CSMD3: variants seen among roughly 807,000 people sequenced by gnomAD.
The protein encoded by CSMD3 is CUB and sushi domain-containing protein 3.
A neutral mutation model predicts 435.2 loss-of-function variants in CSMD3; 177 were observed. The ratio of observed to expected loss-of-function variants is 0.41; its 90% confidence interval spans 0.36 to 0.46. The LOEUF is 0.46. Among genes scored for constraint, CSMD3 ranks in the 20% least tolerant of loss-of-function variants. The probability of loss-of-function intolerance (pLI) is 0.34; values close to 1 mark genes in which losing one functional copy is unlikely to be tolerated. For missense variants in CSMD3, 4,265 were observed against 4,504.6 expected (o/e 0.95, Z 1.52); for synonymous variants, 1,656 against 1,520.5 (o/e 1.09, Z -2.07).
intron 7 of CSMD3, among the ~76,000 whole-genome samples, chr8:112,970,882 C>T (rs574456131): frequency 0.01 from 1,545 of 151,828 alleles, 25 homozygotes; most frequent in African/African-American, 0.035. Context: ...CCACCACGCC[C>T]AGCTAATTTT....
At chr8:112,484,347 G>A (rs369038638) in intron 31 of CSMD3, among the ~76,000 whole-genome samples, 5 of 151,930 alleles carry the variant, frequency 3.3e-5, no homozygotes, top group South Asian at 2.1e-4. Context: ...CATTATAATC[G>A]TTTCAGATAC....
chr8:112,311,875 TG>T (rs1410445080), intron 49 of CSMD3, among the ~76,000 whole-genome samples: 2 of 152,094 alleles, frequency 1.3e-5, no homozygotes, highest in Non-Finnish European at 2.9e-5. Context: ...AATGGGGCTT[TG>T]GGGGTAAATA....
At chr8:112,938,903 T>C (rs527695387) in intron 9 of CSMD3, among the ~76,000 whole-genome samples, 10 of 152,242 alleles carry the variant, frequency 6.6e-5, no homozygotes, top group East Asian at 5.8e-4. Flanking sequence ...TAGGAACTTC[T>C]GGTATGTGAG....
At chr8:113,216,269 A>G (rs2092904486) in intron 3 of CSMD3, among the ~76,000 whole-genome samples, 1 of 151,918 alleles carries the variant, frequency 6.6e-6, no homozygotes, top group African/African-American at 2.4e-5. Context: ...TAGTGATAAA[A>G]AGCCATCTAT....
At chr8:113,058,310 C>T (rs2088442168) in intron 5 of CSMD3, among the ~76,000 whole-genome samples, 1 of 151,826 alleles carries the variant, frequency 6.6e-6, no homozygotes, top group South Asian at 2.1e-4. Flanking sequence ...TGAAGTAGAA[C>T]ATGACCTGAT....
chr8:113,266,913 G>C (rs2093476273), intron 3 of CSMD3, among the ~76,000 whole-genome samples: 1 of 151,328 alleles, frequency 6.6e-6, no homozygotes, highest in Admixed American at 6.6e-5. Flanking sequence ...GGAGAAACAT[G>C]AATAATTTCA....
intron 54 of CSMD3, among the ~76,000 whole-genome samples, chr8:112,294,532 T>C (rs1402324196): frequency 6.6e-6 from 1 of 152,098 alleles, no homozygotes; most frequent in Non-Finnish European, 1.5e-5. Flanking sequence ...CACTAAATAC[T>C]TACGGGGATT....
At chr8:112,444,379 G>C (rs142273429) in intron 32 of CSMD3, among the ~76,000 whole-genome samples, 456 of 152,270 alleles carry the variant, frequency 3.0e-3, no homozygotes, top group African/African-American at 0.011. Context: ...GAAATAAAGA[G>C]AAATGACAAC....
chr8:112,402,498 G>A (rs1366784936), intron 35 of CSMD3, among the ~76,000 whole-genome samples: 1 of 152,084 alleles, frequency 6.6e-6, no homozygotes, highest in Admixed American at 6.6e-5. Context: ...AAAGATTAAT[G>A]AACTAGTTTA....
intron 27 of CSMD3, chr8:112,538,831 C>T (rs1390809798): frequency 6.6e-6 from 1 of 151,976 alleles, no homozygotes; most frequent in African/African-American, 2.4e-5. Flanking sequence ...TTTCTTGCTC[C>T]TTGGCCATCT....
At chr8:113,319,408 T>C (rs1268569567) in intron 1 of CSMD3, among the ~76,000 whole-genome samples, 3 of 152,066 alleles carry the variant, frequency 2.0e-5, no homozygotes, top group Non-Finnish European at 4.4e-5. Flanking sequence ...ATCAGGTTAT[T>C]GTTTTTTCTG....
chr8:112,696,201 T>C (rs1161108705), intron 13 of CSMD3, among the ~76,000 whole-genome samples: 2 of 152,096 alleles, frequency 1.3e-5, no homozygotes, highest in Non-Finnish European at 2.9e-5. Context: ...CAATGACCTT[T>C]TTCACAGAAT....
At chr8:112,268,058 TAAG>T (rs1213894234) in intron 59 of CSMD3, among the ~76,000 whole-genome samples, 10 of 152,292 alleles carry the variant, frequency 6.6e-5, no homozygotes, top group Admixed American at 2.0e-4. Context: ...CATTGCATAA[TAAG>T]AAGATCATTG....
At position 112,265,601 on chromosome 8, in the gene CSMD3, T is replaced by C. The variant is rs939134895; in HGVS notation, c.9509-11A>G. The C allele has an allele frequency of 1.9e-6, 3 of 1,602,934 alleles. No homozygotes were observed. Among genetic ancestry groups the C allele is most frequent in the Admixed American group, 3.3e-5 (2 of 59,970 alleles). Reference sequence around the variant, plus strand: ...CTCCACAACTGATTACTGTCAGTATTGGATTAGAAGAGCAGATGGTTAATG... The same window carrying C: ...CTCCACAACTGATTACTGTCAGTATCGGATTAGAAGAGCAGATGGTTAATG... On this transcript the variant is annotated splice_polypyrimidine_tract_variant and intron_variant, in intron 59 of 70. Transcript: ENST00000297405.
intron 3 of CSMD3, among the ~76,000 whole-genome samples, chr8:113,245,433 G>A (rs868602384): frequency 2.0e-5 from 3 of 151,220 alleles, no homozygotes; most frequent in African/African-American, 7.3e-5. Flanking sequence ...TATTCTCTTA[G>A]AGCTTATCCT....
chr8:113,318,009 C>T (rs1046408889), intron 1 of CSMD3, among the ~76,000 whole-genome samples: 4 of 152,068 alleles, frequency 2.6e-5, no homozygotes, highest in African/African-American at 7.2e-5. Context: ...ATGGTTATAA[C>T]GGTCTAATGA....
At chr8:112,303,776 CT>C (rs1821149367) in intron 52 of CSMD3, among the ~76,000 whole-genome samples, 1 of 152,062 alleles carries the variant, frequency 6.6e-6, no homozygotes, top group Non-Finnish European at 1.5e-5. Context: ...ATATCAGATA[CT>C]TGTGTACTTA....
At chr8:113,355,217 G>A (rs1345812667) in intron 1 of CSMD3, among the ~76,000 whole-genome samples, 1 of 151,854 alleles carries the variant, frequency 6.6e-6, no homozygotes, top group African/African-American at 2.4e-5. Context: ...TTCCTAATGT[G>A]GGTATATATA....
intron 11 of CSMD3, among the ~76,000 whole-genome samples, chr8:112,847,889 T>G (rs1437918826): frequency 2.6e-5 from 4 of 152,102 alleles, no homozygotes; most frequent in Non-Finnish European, 5.9e-5. Context: ...ATTTAATGGA[T>G]CTAAAGAAAA....
Sources: gnomAD v4.1 joint callset for allele counts (sites outside exome capture counted in the v4.1 genomes callset) on GRCh38, gnomAD v4.1.1 for gene constraint, MANE v1.5 for transcripts, NCBI Gene and HGNC (gene_info 2026-07-23, HGNC 2026-07-21) for gene names.